RB1CC1: variants seen among roughly 807,000 people sequenced by gnomAD.
RB1CC1 encodes RB1-inducible coiled-coil protein 1.
A neutral mutation model predicts 177.5 loss-of-function variants in RB1CC1; 46 were observed. The observed-to-expected ratio is 0.26, with a 90% CI of 0.20 to 0.33. The LOEUF is 0.33. RB1CC1 is among the 10% of genes least tolerant of loss of function. RB1CC1 has a pLI of 1.00. For synonymous variants in RB1CC1, 666 were observed against 613.6 expected, an observed-to-expected ratio of 1.09 and a Z score of -1.26; for missense variants, 1,703 against 1,816.3, an observed-to-expected ratio of 0.94 and a Z score of 1.13.
chr8:52,706,361 C>CTT (rs71252955), intron 1 of RB1CC1, among the ~76,000 whole-genome samples: 4 of 138,394 alleles, frequency 2.9e-5, no homozygotes, highest in African/African-American at 5.3e-5. Flanking sequence ...CAACTGTTAT[C>CTT]TTTTTTTTTT....
rs552865749 is a variant in RB1CC1, at chr8:52,699,719, T to C, written c.-166-12752A>G. Among the ~76,000 whole-genome samples, 155 of 140,002 alleles carry C rather than the reference T, an allele frequency of 1.1e-3. 1 individual carries two copies. The highest frequency in any genetic ancestry group is 3.9e-3 in the African/African-American group (145 of 37,092). 91.8% of individuals were successfully genotyped at this position (140,002 alleles called of 152,430 possible). On this transcript the variant is annotated intron_variant, in intron 1 of 23. Transcript: ENST00000025008. ...CTGTAATCCCAGCTACCTGAGAGGCTGAGGCAAGAGAATCACTTGAACCCG... is the reference window on the plus strand; with the variant it reads ...CTGTAATCCCAGCTACCTGAGAGGCCGAGGCAAGAGAATCACTTGAACCCG...
At position 52,657,921 on chromosome 8, in the gene RB1CC1, A is replaced by C. The variant is rs764376714; in HGVS notation, c.1921-13T>G. On this transcript the variant is annotated splice_polypyrimidine_tract_variant and intron_variant, in intron 14 of 23. Transcript: ENST00000025008. ...GACTCACAGATGCCTGGAAAACAGA[A>C]AGAAAGGCTTAAAGAGCTGCAGGAA... 3.7e-6 allele frequency: 6 copies of C among 1,612,648 alleles called. No homozygotes were observed. In the East Asian group the frequency reaches 1.3e-4, roughly 36 times the overall value.
Position 52,634,389 on chromosome 8 carries a change from G to A in RB1CC1, c.4440+532C>T, listed in dbSNP as rs533816666. ...TATGTAAAAATTAGCCGGGTGTGAC[G>A]GCGCAGCACACTTGTAATCCCAGCT... is the stretch of plus-strand genomic sequence containing the variant. On this transcript the variant is annotated intron_variant, in intron 20 of 23. Coordinates refer to ENST00000025008, the MANE Select transcript of RB1CC1 (RefSeq NM_014781.5). Among the ~76,000 whole-genome samples the A allele has an allele frequency of 3.2e-4, 48 of 151,994 alleles. No homozygotes were observed. The East Asian group carries it at 4.5e-3, about 14-fold the overall frequency.
chr8:52,699,830 A>AATATATATATATATATAT (rs1211106554), intron 1 of RB1CC1, among the ~76,000 whole-genome samples: 1 of 26,700 alleles, frequency 3.7e-5, no homozygotes, highest in Non-Finnish European at 7.6e-5. Flanking sequence ...AAAAAAAAAA[A>AATATATATATATATATAT]ATATATATAT....
intron 1 of RB1CC1, 42 bp downstream of exon 1, chr8:52,714,033 T>C (rs1172782410): frequency 3.0e-6 from 1 of 337,422 alleles, no homozygotes; most frequent in Non-Finnish European, 5.9e-6. Flanking sequence ...GCGACCGCTG[T>C]GCCAGATGGG....
At chr8:52,640,619 A>C (rs1849494536) in intron 18 of RB1CC1, among the ~76,000 whole-genome samples, 1 of 152,070 alleles carries the variant, frequency 6.6e-6, no homozygotes, top group African/African-American at 2.4e-5. Flanking sequence ...GGCTCTAGGT[A>C]CCTCTCCTAT....
intron 1 of RB1CC1, among the ~76,000 whole-genome samples, chr8:52,694,465 C>T (rs1014481956): frequency 2.0e-5 from 3 of 152,176 alleles, no homozygotes; most frequent in African/African-American, 7.2e-5. Context: ...CCCGGACAAA[C>T]GGGACGCAGC....
chr8:52,683,390 T>C (rs892991953), intron 5 of RB1CC1, among the ~76,000 whole-genome samples, 159 bp downstream of exon 5: 1 of 152,222 alleles, frequency 6.6e-6, no homozygotes, highest in East Asian at 1.9e-4. Flanking sequence ...TAGCAATGTA[T>C]GACCCAGAAA....
chr8:52,662,935 G>T (rs1411286526), intron 8 of RB1CC1, among the ~76,000 whole-genome samples: 1 of 151,840 alleles, frequency 6.6e-6, no homozygotes, highest in African/African-American at 2.4e-5. Flanking sequence ...GAAAAATATA[G>T]AATCAATCCC....
intron 1 of RB1CC1, among the ~76,000 whole-genome samples, chr8:52,695,785 A>G (rs1855349789): frequency 6.6e-6 from 1 of 152,162 alleles, no homozygotes; most frequent in Non-Finnish European, 1.5e-5. Context: ...CCATTGCCTG[A>G]TTTTAATTTT....
rs1388663899 is a variant in RB1CC1 at position 52,622,921 on chromosome 8, T to C, written c.*861A>G. 1 of 152,164 alleles carries C rather than the reference T, an allele frequency of 6.6e-6. No individual in the cohort carries two copies. The highest frequency in any genetic ancestry group is 2.4e-5 in the African/African-American group (1 of 41,432). 9.4% of individuals were successfully genotyped at this position (152,164 alleles called of 1,614,324 possible). ...TCAAATCTTTATTGTTTTAAAATTG[T>C]ACAGTTCTTTTACAATACAATATTT... On this transcript the variant is annotated 3_prime_UTR_variant, in exon 24 of 24. Coordinates refer to ENST00000025008, the MANE Select transcript of RB1CC1 (RefSeq NM_014781.5).
chr8:52,640,453 A>T (rs190543658), intron 18 of RB1CC1, among the ~76,000 whole-genome samples: 287 of 152,372 alleles, frequency 1.9e-3, no homozygotes, highest in Admixed American at 6.5e-3. Context: ...ATGTAACTAC[A>T]TCACACTGTA....
At chr8:52,707,113 T>C (rs981362330) in intron 1 of RB1CC1, among the ~76,000 whole-genome samples, 2 of 152,246 alleles carry the variant, frequency 1.3e-5, no homozygotes, top group African/African-American at 4.8e-5. Context: ...AAAGTAAAAG[T>C]ACCTGTCTCA....
intron 15 of RB1CC1, among the ~76,000 whole-genome samples, chr8:52,649,576 C>T (rs1850385710): frequency 6.6e-6 from 1 of 152,142 alleles, no homozygotes; most frequent in South Asian, 2.1e-4. Context: ...GCAGAGGTGG[C>T]AGTAAGCCGA....
intron 8 of RB1CC1, among the ~76,000 whole-genome samples, chr8:52,662,352 A>T (rs2150506225): frequency 6.6e-6 from 1 of 152,086 alleles, no homozygotes; most frequent in Admixed American, 6.5e-5. Context: ...TTGTAGGTGA[A>T]CGGTGTATCT....
At chr8:52,625,055 C>T (rs1362803742) in intron 22 of RB1CC1, among the ~76,000 whole-genome samples, 1 of 152,104 alleles carries the variant, frequency 6.6e-6, no homozygotes, top group Non-Finnish European at 1.5e-5. Context: ...TCAGGAAACA[C>T]TAATAATCTA....
chr8:52,656,827 T>G lies in RB1CC1; in HGVS notation c.3002A>C (p.Gln1001Pro). The change falls in exon 15 of 24, where the codon CAA becomes CCA. Residue 1001 changes from glutamine (Q) to proline (P), a missense_variant. Gln to Pro is a moderately conservative substitution (Grantham distance 76, BLOSUM62 -1). Transcript: ENST00000025008. ...GTCTGTCATAACCTTCTCAAACTCT[T>G]GTATGTGCCTAACCTGAAGTGTGTC... ...LEDTLQVRHI[Q>P]EFEKVMTDHR... The G allele has an allele frequency of 6.2e-7, 1 of 1,613,848 alleles. No homozygotes were observed. Among genetic ancestry groups the G allele is most frequent in the Non-Finnish European group, 8.5e-7 (1 of 1,179,978 alleles).
chr8:52,697,270 C>T (rs1455891310), intron 1 of RB1CC1, among the ~76,000 whole-genome samples: 3 of 146,126 alleles, frequency 2.1e-5, no homozygotes. Context: ...AGAACAATGA[C>T]TCTGTTTCTT....
chr8:52,641,974 AT>A (rs1849625680), intron 18 of RB1CC1, among the ~76,000 whole-genome samples: 1 of 152,106 alleles, frequency 6.6e-6, no homozygotes, highest in Non-Finnish European at 1.5e-5. Context: ...AATAATAATA[AT>A]AATAAAAAAC....
Sources: gnomAD v4.1 joint callset for allele counts (sites outside exome capture counted in the v4.1 genomes callset) on GRCh38, gnomAD v4.1.1 for gene constraint, MANE v1.5 for transcripts, NCBI Gene and HGNC (gene_info 2026-07-23, HGNC 2026-07-21) for gene names.